MTTP: variants seen among roughly 807,000 people sequenced by gnomAD.
The protein encoded by MTTP is microsomal triglyceride transfer protein.
Under a neutral mutation model 90.6 loss-of-function variants are expected in MTTP, and 49 were observed. That is an observed-to-expected ratio of 0.54 (90% CI 0.43 to 0.69). The LOEUF (loss-of-function observed/expected upper bound fraction) is 0.69, where lower values mean the gene tolerates loss of function less well. MTTP is among the 30% of genes least tolerant of loss of function. MTTP has a pLI of 0.00. For missense variants in MTTP, 945 were observed against 1,067.5 expected, an observed-to-expected ratio of 0.89 and a Z score of 1.60; for synonymous variants, 347 against 384.2, an observed-to-expected ratio of 0.90 and a Z score of 1.13.
At chr4:99,589,866 T>C in intron 4 of MTTP, 116 bp downstream of exon 4, 1 of 745,530 alleles carries the variant, frequency 1.3e-6, no homozygotes, top group Non-Finnish European at 2.3e-6. Flanking sequence ...AGGTGACTTG[T>C]GTAGTGAAGT....
chr4:99,616,064 G>T (rs542017804), intron 15 of MTTP, among the ~76,000 whole-genome samples: 1 of 152,046 alleles, frequency 6.6e-6, no homozygotes, highest in Non-Finnish European at 1.5e-5. Flanking sequence ...CAAAAGAGAG[G>T]TATGAGTTTG....
At chr4:99,581,255 C>T (rs979292551) in intron 1 of MTTP, among the ~76,000 whole-genome samples, 2 of 152,142 alleles carry the variant, frequency 1.3e-5, no homozygotes, top group Non-Finnish European at 2.9e-5. Context: ...ACTATTTGAT[C>T]TTTTTAAATT....
chr4:99,590,051 C>T (rs1195591565), intron 4 of MTTP, among the ~76,000 whole-genome samples: 1 of 152,068 alleles, frequency 6.6e-6, no homozygotes, highest in Non-Finnish European at 1.5e-5. Context: ...ATATAGATTC[C>T]CTATATTCAT....
intron 6 of MTTP, among the ~76,000 whole-genome samples, chr4:99,594,204 C>T (rs1190770621): frequency 6.6e-6 from 1 of 152,210 alleles, no homozygotes; most frequent in African/African-American, 2.4e-5. Context: ...AGAGATCACA[C>T]AGTGTTACTT....
At chr4:99,592,758 G>A (rs752524019) in intron 6 of MTTP, among the ~76,000 whole-genome samples, 1 of 152,092 alleles carries the variant, frequency 6.6e-6, no homozygotes, top group Non-Finnish European at 1.5e-5. Flanking sequence ...TGAAGAACCT[G>A]CCTGAGGCTG....
In MTTP at chr4:99,583,482, C is replaced by A; in HGVS notation, c.358C>A (p.Gln120Lys). ...GGGAAAGGAAAACTTGGAAGCTCTGCAAAGACCTACGCTCCTTCATCTAAT... is the reference window on the plus strand; with the variant it reads ...GGGAAAGGAAAACTTGGAAGCTCTGAAAAGACCTACGCTCCTTCATCTAAT... ...IMGKENLEAL[Q>K]RPTLLHLIHG... The change falls in exon 3 of 18, where the codon CAA becomes AAA. Residue 120 changes from glutamine (Q) to lysine (K), a missense_variant. Transcript: ENST00000265517. 6.2e-7 allele frequency: 1 copy of A among 1,613,630 alleles called. No homozygotes were observed. The highest frequency in any genetic ancestry group is 8.5e-7 in the Non-Finnish European group (1 of 1,179,810).
At chr4:99,576,694 C>CAAAAAA (rs10630406) in intron 1 of MTTP, among the ~76,000 whole-genome samples, 4 of 69,964 alleles carry the variant, frequency 5.7e-5, no homozygotes, top group African/African-American at 6.0e-5. Context: ...GACTCCGTCT[C>CAAAAAA]AAAAAAAAAA....
chr4:99,609,767 G>A (rs921545416), intron 12 of MTTP, among the ~76,000 whole-genome samples: 1 of 152,204 alleles, frequency 6.6e-6, no homozygotes, highest in African/African-American at 2.4e-5. Flanking sequence ...ACGGGTGTGA[G>A]TAGAACAGAG....
chr4:99,618,644 A>G (rs1726156136), intron 15 of MTTP, among the ~76,000 whole-genome samples: 1 of 152,240 alleles, frequency 6.6e-6, no homozygotes, highest in African/African-American at 2.4e-5. Flanking sequence ...ACCAGTTCCC[A>G]GGCAATGCTG....
intron 12 of MTTP, among the ~76,000 whole-genome samples, chr4:99,610,569 A>G (rs917899304): frequency 7.9e-5 from 12 of 152,334 alleles, no homozygotes; most frequent in African/African-American, 2.6e-4. Flanking sequence ...ACATCTTAAC[A>G]CTAATTACTT....
At chr4:99,604,529 C>A (rs1725768753) in intron 10 of MTTP, among the ~76,000 whole-genome samples, 1 of 152,098 alleles carries the variant, frequency 6.6e-6, no homozygotes, top group Non-Finnish European at 1.5e-5. Context: ...AACGTATTTT[C>A]ATCTTTGCTT....
At position 99,589,510 on chromosome 4, in the gene MTTP, C is replaced by G. The variant is rs1049632032; in HGVS notation, c.394-133C>G. The G allele has an allele frequency of 3.7e-5, 25 of 674,540 alleles. 1 individual carries two copies. The highest frequency in any genetic ancestry group is 6.2e-5 in the Non-Finnish European group (23 of 373,020). 41.8% of individuals were successfully genotyped at this position (674,540 alleles called of 1,614,324 possible). On this transcript the variant is annotated intron_variant, in intron 3 of 17. Transcript: ENST00000265517. ...GCTTCTTTTCACAAAAAGGAAATTC[C>G]AGATTTGGAGTGTCAGATCTCTTTC...
chr4:99,591,477 C>A, intron 5 of MTTP, 126 bp downstream of exon 5: 1 of 1,095,172 alleles, frequency 9.1e-7, no homozygotes, highest in South Asian at 1.4e-5. Context: ...GTTTAGGCTA[C>A]AAATTCACAC....
chr4:99,589,681 C>T lies in MTTP; in HGVS notation c.432C>T (p.Ala144=), dbSNP rs1415904261. Residue 144 remains alanine, a synonymous_variant, in exon 4 of 18, where the codon GCC becomes GCT. Coordinates refer to ENST00000265517, the MANE Select transcript of MTTP (RefSeq NM_001386140.1). ...ACTCATATCAAAATGAGGCAGTGGCCATAGAAAATATCAAGAGAGGTCTGG... is the reference window on the plus strand; with the variant it reads ...ACTCATATCAAAATGAGGCAGTGGCTATAGAAAATATCAAGAGAGGTCTGG... ...EFYSYQNEAV[A]IENIKRGLAS... The T allele has an allele frequency of 6.2e-7, 1 of 1,610,180 alleles. No individual in the cohort carries two copies. The highest frequency in any genetic ancestry group is 8.5e-7 in the Non-Finnish European group (1 of 1,176,796).
At chr4:99,579,408 C>T (rs1323640603) in intron 1 of MTTP, among the ~76,000 whole-genome samples, 1 of 152,022 alleles carries the variant, frequency 6.6e-6, no homozygotes, top group Non-Finnish European at 1.5e-5. Flanking sequence ...CTGCAGGAGC[C>T]CTCCTCGGGG....
intron 10 of MTTP, among the ~76,000 whole-genome samples, chr4:99,604,547 TTCTG>T (rs1488243631): frequency 6.6e-6 from 1 of 152,172 alleles, no homozygotes; most frequent in Non-Finnish European, 1.5e-5. Context: ...CTTTATCTCT[TTCTG>T]TCTTATTTTA....
At chr4:99,585,999 C>G (rs182813790) in intron 3 of MTTP, among the ~76,000 whole-genome samples, 2 of 152,162 alleles carry the variant, frequency 1.3e-5, no homozygotes, top group South Asian at 2.1e-4. Context: ...TATGGACAGG[C>G]TATTTTCTTA....
chr4:99,609,050 A>C, intron 12 of MTTP, 73 bp downstream of exon 12: 1 of 1,346,258 alleles, frequency 7.4e-7, no homozygotes, highest in Non-Finnish European at 1.1e-6. Context: ...GATGTAGCTA[A>C]TAATAATGAT....
At chr4:99,575,035 C>A in intron 1 of MTTP, 65 bp downstream of exon 1, 1 of 1,521,282 alleles carries the variant, frequency 6.6e-7, no homozygotes, top group Non-Finnish European at 9.1e-7. Context: ...CAGATACGTG[C>A]GTGTGTGTGT....
Sources: allele counts gnomAD v4.1 joint callset (sites outside exome capture counted in the v4.1 genomes callset), GRCh38; gene constraint gnomAD v4.1.1; transcripts MANE v1.5; gene names NCBI Gene and HGNC (gene_info 2026-07-23, HGNC 2026-07-21).